Variants in B3GLCT observed in about 807,000 individuals in gnomAD.
The protein encoded by B3GLCT is beta-1,3-glucosyltransferase.
B3GLCT carries 65 observed loss-of-function variants against 63.4 expected under a neutral mutation model. The ratio of observed to expected loss-of-function variants is 1.03; its 90% confidence interval spans 0.84 to 1.26. The LOEUF (loss-of-function observed/expected upper bound fraction) is 1.26, where lower values mean the gene tolerates loss of function less well. B3GLCT is among the 50% of genes most tolerant of loss of function. B3GLCT has a pLI of 0.00. For synonymous variants in B3GLCT, 233 were observed against 219.2 expected, an observed-to-expected ratio of 1.06 and a Z score of -0.55; for missense variants, 577 against 604.8, an observed-to-expected ratio of 0.95 and a Z score of 0.48.
At chr13:31,261,185 T>C (rs888319226) in intron 7 of B3GLCT, 103 bp downstream of exon 7, 1 of 1,365,744 alleles carries the variant, frequency 7.3e-7, no homozygotes, top group Non-Finnish European at 1.0e-6. Flanking sequence ...CAAATGAGTT[T>C]TTCAGCCAGA....
At chr13:31,244,517 T>C (rs1440982702) in intron 4 of B3GLCT, among the ~76,000 whole-genome samples, 1 of 152,080 alleles carries the variant, frequency 6.6e-6, no homozygotes, top group Admixed American at 6.6e-5. Flanking sequence ...AAAACTTGCT[T>C]TGAATCTAAA....
chr13:31,262,462 G>A (rs1299111765), intron 7 of B3GLCT, among the ~76,000 whole-genome samples: 4 of 152,242 alleles, frequency 2.6e-5, no homozygotes, highest in Non-Finnish European at 5.9e-5. Context: ...AGGAAGAGGA[G>A]TGAAGACAAG....
chr13:31,316,531 A>G (rs1875041929), intron 12 of B3GLCT, among the ~76,000 whole-genome samples: 1 of 149,098 alleles, frequency 6.7e-6, no homozygotes, highest in South Asian at 2.1e-4. Context: ...ATATTTAATG[A>G]TTGCCTGGCC....
chr13:31,281,694 A>G (rs527932438), intron 10 of B3GLCT, among the ~76,000 whole-genome samples: 3 of 152,342 alleles, frequency 2.0e-5, no homozygotes, highest in African/African-American at 7.2e-5. Flanking sequence ...GCTCCTGAGA[A>G]GAGAAGTGCA....
intron 12 of B3GLCT, among the ~76,000 whole-genome samples, chr13:31,297,592 A>T (rs1256343628): frequency 6.6e-6 from 1 of 152,106 alleles, no homozygotes; most frequent in Non-Finnish European, 1.5e-5. Flanking sequence ...TCTGCAGTGG[A>T]CACCAAATGG....
At chr13:31,297,442 A>G (rs550342351) in intron 12 of B3GLCT, among the ~76,000 whole-genome samples, 23 of 149,916 alleles carry the variant, frequency 1.5e-4, no homozygotes, top group African/African-American at 5.7e-4. Context: ...CATTTCCCTA[A>G]TGATTAGTTG....
intron 6 of B3GLCT, among the ~76,000 whole-genome samples, chr13:31,251,406 T>C (rs1186479047): frequency 1.3e-5 from 2 of 152,100 alleles, no homozygotes. Flanking sequence ...AGGTGGGTAA[T>C]AACAAACTCC....
At chr13:31,318,679 C>T (rs921338706) in intron 13 of B3GLCT, among the ~76,000 whole-genome samples, 1 of 152,094 alleles carries the variant, frequency 6.6e-6, no homozygotes, top group African/African-American at 2.4e-5. Flanking sequence ...TGTTGACCTC[C>T]TTATCAAAAA....
intron 2 of B3GLCT, among the ~76,000 whole-genome samples, chr13:31,221,817 C>T (rs1038235056): frequency 2.7e-4 from 41 of 152,150 alleles, no homozygotes; most frequent in Non-Finnish European, 2.9e-5. Context: ...TATTTGCCAC[C>T]ATCCCGTTGT....
chr13:31,315,682 A>T (rs1481314654), intron 12 of B3GLCT, among the ~76,000 whole-genome samples: 1 of 152,248 alleles, frequency 6.6e-6, no homozygotes, highest in African/African-American at 2.4e-5. Flanking sequence ...CAGCTGCAGA[A>T]ATTTGTGTAA....
intron 7 of B3GLCT, among the ~76,000 whole-genome samples, chr13:31,262,884 G>T (rs1872107271): frequency 6.6e-6 from 1 of 152,174 alleles, no homozygotes; most frequent in South Asian, 2.1e-4. Context: ...CATGGGAGAA[G>T]TCCCACGTGG....
intron 4 of B3GLCT, among the ~76,000 whole-genome samples, chr13:31,242,715 G>T (rs1336398933): frequency 6.6e-6 from 1 of 152,148 alleles, no homozygotes; most frequent in Non-Finnish European, 1.5e-5. Context: ...AGTTAAAATA[G>T]ATTTATATGA....
In B3GLCT at chr13:31,284,694, A is replaced by G. The variant is rs1334589785; in HGVS notation, c.897A>G (p.Glu299=). The part of the protein sequence containing the change: ...QTWESQASLI[E]YYSDYTENSI... ...GGGAGAGCCAGGCAAGTCTCATTGA[A>G]TACTATAGTGACTATACTGAAAATT... Residue 299 remains glutamate, a synonymous_variant, in exon 11 of 15, where the codon GAA becomes GAG. Coordinates refer to ENST00000343307, the MANE Select transcript of B3GLCT (RefSeq NM_194318.4). 2 of 1,611,940 alleles carry G rather than the reference A, an allele frequency of 1.2e-6. No individual in the cohort carries two copies. Among genetic ancestry groups the G allele is most frequent in the South Asian group, 1.1e-5 (1 of 91,048 alleles).
chr13:31,329,726 A>G lies in B3GLCT; in HGVS notation c.*58A>G. On this transcript the variant is annotated 3_prime_UTR_variant, in exon 15 of 15. Coordinates refer to ENST00000343307, the MANE Select transcript of B3GLCT (RefSeq NM_194318.4). Reference sequence around the variant, plus strand: ...GGAATGAACTGGAGACTGTGGCCTCATCCCACTGTGCTGTGCTCACAACAC... The same window carrying G: ...GGAATGAACTGGAGACTGTGGCCTCGTCCCACTGTGCTGTGCTCACAACAC... The G allele has an allele frequency of 6.3e-7, 1 of 1,582,880 alleles. No individual in the cohort carries two copies. Among genetic ancestry groups the G allele is most frequent in the Non-Finnish European group, 8.7e-7 (1 of 1,154,650 alleles).
At chr13:31,225,014 C>G (rs1250835582) in intron 3 of B3GLCT, among the ~76,000 whole-genome samples, 1 of 152,222 alleles carries the variant, frequency 6.6e-6, no homozygotes, top group African/African-American at 2.4e-5. Context: ...CTAACTATCT[C>G]TCTGTCCTGC....
intron 12 of B3GLCT, among the ~76,000 whole-genome samples, chr13:31,308,354 A>AAAAAAC (rs1874505863): frequency 1.1e-4 from 3 of 28,568 alleles, no homozygotes; most frequent in African/African-American, 1.6e-4. Context: ...AATTAAAAAA[A>AAAAAAC]AAAAAACAAA....
chr13:31,234,765 G>A lies in B3GLCT; in HGVS notation c.270+5471G>A, dbSNP rs527896926. The stretch of plus-strand genomic sequence containing the variant: ...TGAGGTGTATCTCTTTGGTATACAG[G>A]TGTTTAGCATCTCTCGTCTCTGGCA... On this transcript the variant is annotated intron_variant, in intron 4 of 14. Coordinates refer to ENST00000343307, the MANE Select transcript of B3GLCT (RefSeq NM_194318.4). Among the ~76,000 whole-genome samples, 7 of 152,260 alleles carry A rather than the reference G, an allele frequency of 4.6e-5. No homozygotes were observed. In the South Asian group the frequency reaches 1.0e-3, roughly 23 times the overall value.
chr13:31,209,288 C>G (rs1204276194), intron 1 of B3GLCT, among the ~76,000 whole-genome samples: 3 of 152,186 alleles, frequency 2.0e-5, no homozygotes, highest in African/African-American at 7.2e-5. Context: ...TTCTGTCCCT[C>G]TGCTACCATG....
At chr13:31,279,890 A>G (rs1432387095) in intron 10 of B3GLCT, among the ~76,000 whole-genome samples, 2 of 152,142 alleles carry the variant, frequency 1.3e-5, no homozygotes, top group Admixed American at 6.5e-5. Context: ...TTTCTCAGGG[A>G]TGTTCCTTGC....
Sources: allele counts gnomAD v4.1 joint callset (sites outside exome capture counted in the v4.1 genomes callset), GRCh38; gene constraint gnomAD v4.1.1; transcripts MANE v1.5; gene names NCBI Gene and HGNC (gene_info 2026-07-23, HGNC 2026-07-21).